ZBED6: variants seen among roughly 807,000 people sequenced by gnomAD.
ZBED6 encodes the protein zinc finger BED domain-containing protein 6.
In ZBED6, 40 loss-of-function variants were observed where a neutral mutation model predicts 58.4. The ratio of observed to expected loss-of-function variants is 0.68; its 90% CI spans 0.53 to 0.89. The LOEUF is 0.89. Among genes scored for constraint, ZBED6 ranks in the 40% least tolerant of loss-of-function variants. The probability of loss-of-function intolerance (pLI) is 0.00; values close to 1 mark genes in which losing one functional copy is unlikely to be tolerated. For synonymous variants in ZBED6, 439 were observed against 350.6 expected (o/e 1.25, Z -2.82); for missense variants, 1,057 against 1,003.9 (o/e 1.05, Z -0.71).
chr1:203,805,534 A>AAACGT, intron 1 of ZBED6: 3 of 543,092 alleles, frequency 5.5e-6, no homozygotes, highest in Non-Finnish European at 1.1e-5. Flanking sequence ...GAAAGGACAG[A>AAACGT]AACGTATCTG....
exon 1 of ZBED6, chr1:203,797,307 C>A: frequency 2.4e-6 from 1 of 412,528 alleles, no homozygotes. Context: ...TGGAAGGGAC[C>A]TTAAAGCCCT....
rs12069471 is a variant in ZBED6, at chr1:203,836,720, G to A, written c.*3574-1246G>A. ...GAACCCGGGAGGTGGAGGTGGCAGT[G>A]AGCTGAGATCTTCCCACTGCACTCC... On this transcript the variant is annotated intron_variant, in intron 9 of 16. Coordinates refer to ENST00000550078, the Ensembl canonical transcript of ZBED6. 4.4e-3 allele frequency among the ~76,000 whole-genome samples: 672 copies of A among 152,348 alleles called. 7 individuals are homozygous for A. Among genetic ancestry groups the A allele is most frequent in the African/African-American group, 0.015 (636 of 41,586 alleles).
intron 1 of ZBED6, among the ~76,000 whole-genome samples, chr1:203,808,409 T>A (rs1468620174): frequency 6.6e-6 from 1 of 152,234 alleles, no homozygotes; most frequent in Non-Finnish European, 1.5e-5. Flanking sequence ...TTACCATGTC[T>A]GTGTATAGCA....
intron 1 of ZBED6, among the ~76,000 whole-genome samples, chr1:203,809,470 C>T (rs1351247814): frequency 6.6e-6 from 1 of 152,092 alleles, no homozygotes; most frequent in Non-Finnish European, 1.5e-5. Context: ...GCCACCGCAC[C>T]CAGCCCCACT....
At chr1:203,801,225 C>T (rs1323591921) in exon 1 of ZBED6, 4 of 151,940 alleles carry the variant, frequency 2.6e-5, no homozygotes, top group Non-Finnish European at 5.9e-5. Context: ...TAATGAGAGC[C>T]CTTTGAACAT....
exon 1 of ZBED6, chr1:203,799,938 TCACCAGAGA>T: frequency 6.5e-7 from 1 of 1,536,148 alleles, no homozygotes; most frequent in South Asian, 1.2e-5. Flanking sequence ...TATGGAATCT[TCACCAGAGA>T]TCTGCCAAAT....
intron 3 of ZBED6, among the ~76,000 whole-genome samples, chr1:203,819,973 ACG>A (rs2102840699): frequency 6.6e-6 from 1 of 151,320 alleles, no homozygotes; most frequent in South Asian, 2.1e-4. Flanking sequence ...TCAGTGGCTC[ACG>A]CCTGTAATCC....
chr1:203,826,168 C>T (rs566020723), intron 3 of ZBED6, among the ~76,000 whole-genome samples: 3 of 152,248 alleles, frequency 2.0e-5, no homozygotes, highest in South Asian at 2.1e-4. Context: ...ATCTACCTTT[C>T]GGGTGTGACA....
chr1:203,821,720 A>C (rs369343867), intron 3 of ZBED6, among the ~76,000 whole-genome samples: 1 of 151,636 alleles, frequency 6.6e-6, no homozygotes, highest in Non-Finnish European at 1.5e-5. Context: ...ATATAAATGT[A>C]TACACTTAAC....
intron 15 of ZBED6, among the ~76,000 whole-genome samples, 156 bp from the exon 16 acceptor site, chr1:203,850,901 T>C (rs191407592): frequency 6.6e-6 from 1 of 152,242 alleles, no homozygotes; most frequent in African/African-American, 2.4e-5. Context: ...CAAGATATTT[T>C]GCTTATTTAT....
intron 11 of ZBED6, among the ~76,000 whole-genome samples, chr1:203,845,533 C>T (rs145823143): frequency 1.3e-5 from 2 of 152,074 alleles, no homozygotes; most frequent in African/African-American, 4.8e-5. Context: ...ATCAGAAAAA[C>T]TAAATTGGAG....
At position 203,828,282 on chromosome 1, in the gene ZBED6, G is replaced by A; in HGVS notation, c.*2874-17G>A. On this transcript the variant is annotated splice_polypyrimidine_tract_variant and intron_variant, in intron 3 of 16. Transcript: ENST00000550078. ...TCACTGTTTTATTTGAAAGCAATGT[G>A]TTTTTCCCTCTTACAGAAAAAACGC... 2 of 1,613,802 alleles carry A rather than the reference G, an allele frequency of 1.2e-6. No individual in the cohort carries two copies. Among genetic ancestry groups the A allele is most frequent in the South Asian group, 1.1e-5 (1 of 91,046 alleles).
At position 203,826,355 on chromosome 1, in the gene ZBED6, TAATA is replaced by T. The variant is rs528657675; in HGVS notation, c.*2874-1935_*2874-1932del. On this transcript the variant is annotated intron_variant, in intron 3 of 16. Transcript: ENST00000550078. ...TAGAAAATATCAATAATATTAAAAT[TAATA>T]AATAAATATTGATTAATAATAATTA... 9.6e-4 allele frequency among the ~76,000 whole-genome samples: 144 copies of T among 150,216 alleles called. No individual in the cohort carries two copies. In the Middle Eastern group the frequency reaches 0.01, roughly 11 times the overall value.
intron 3 of ZBED6, among the ~76,000 whole-genome samples, chr1:203,820,415 C>T (rs1443879206): frequency 1.3e-5 from 2 of 150,056 alleles, no homozygotes; most frequent in African/African-American, 4.9e-5. Context: ...TGTTTGTATT[C>T]CCCCTCATTA....
At chr1:203,799,154 T>C (rs888371263) in exon 1 of ZBED6, 47 of 1,465,068 alleles carry the variant, frequency 3.2e-5, no homozygotes, top group African/African-American at 4.2e-5. Flanking sequence ...AAGAATTAAA[T>C]GACCAGATTG....
At chr1:203,799,777 A>C in exon 1 of ZBED6, 2 of 1,008,098 alleles carry the variant, frequency 2.0e-6, no homozygotes, top group Non-Finnish European at 3.0e-6. Context: ...CTTGAAACAG[A>C]TACCCTACTA....
At chr1:203,803,586 C>T (rs766006157) in intron 1 of ZBED6, among the ~76,000 whole-genome samples, 2 of 152,128 alleles carry the variant, frequency 1.3e-5, no homozygotes, top group Non-Finnish European at 2.9e-5. Flanking sequence ...ATTCCATCTC[C>T]TTGGAGAAAA....
At chr1:203,839,782 A>G (rs1558134724) in intron 10 of ZBED6, among the ~76,000 whole-genome samples, 1 of 152,012 alleles carries the variant, frequency 6.6e-6, no homozygotes, top group Non-Finnish European at 1.5e-5. Context: ...TCAGATATAA[A>G]GTACGTTTTT....
chr1:203,831,524 A>G, intron 7 of ZBED6, 137 bp from the exon 8 acceptor site: 1 of 668,330 alleles, frequency 1.5e-6, no homozygotes, highest in South Asian at 1.9e-5. Context: ...AGGCAAACAG[A>G]TACAGAAAGG....
Sources: gnomAD v4.1 joint callset for allele counts (sites outside exome capture counted in the v4.1 genomes callset) on GRCh38, gnomAD v4.1.1 for gene constraint, MANE v1.5 for transcripts, NCBI Gene and HGNC (gene_info 2026-07-23, HGNC 2026-07-21) for gene names.